C2CD3: variants seen among roughly 807,000 people sequenced by gnomAD.
The protein encoded by C2CD3 is C2 domain-containing protein 3.
C2CD3 carries 148 observed loss-of-function variants against 234.0 expected under a neutral mutation model. That is an observed-to-expected ratio of 0.63 (90% CI 0.55 to 0.72). The LOEUF is 0.72. C2CD3 is among the 30% of genes least tolerant of loss of function. The probability of loss-of-function intolerance (pLI) is 0.00; values close to 1 mark genes in which losing one functional copy is unlikely to be tolerated. For missense variants in C2CD3, 2,577 were observed against 2,811.5 expected (o/e 0.92, Z 1.89); for synonymous variants, 1,000 against 1,035.4 (o/e 0.97, Z 0.66).
At position 74,033,331 on chromosome 11, in the gene C2CD3, T is replaced by C. The variant is rs914411163; in HGVS notation, c.6809+20A>G. 11 of 1,531,738 alleles carry C rather than the reference T, an allele frequency of 7.2e-6. No homozygotes were observed. The African/African-American group carries it at 1.4e-4, about 19-fold the overall frequency. The allele number at this position is 1,531,738 out of a possible 1,614,324, so 94.9% of individuals were successfully genotyped here. ...TAAGTACCTGCATCCAAACCACTTG[T>C]GGGAAATGCCAAAGGATACAGCAGG... On this transcript the variant is annotated intron_variant, in intron 31 of 32. Transcript: ENST00000334126.
intron 31 of C2CD3, among the ~76,000 whole-genome samples, chr11:74,030,708 T>C (rs1383710111): frequency 6.6e-6 from 1 of 152,150 alleles, no homozygotes; most frequent in Admixed American, 6.5e-5. Flanking sequence ...CTCCCAGAGA[T>C]GCCTACCTTT....
At position 74,145,653 on chromosome 11, in the gene C2CD3, A is replaced by C. The variant is rs1855131777; in HGVS notation, c.484-5825T>G. On this transcript the variant is annotated intron_variant, in intron 3 of 32. Transcript: ENST00000334126. ...TCTTATGTCGAAAATGGCATTTCCT[A>C]GGTTCCAGAGTCTTTACAGTTTTAG... Among the ~76,000 whole-genome samples the C allele has an allele frequency of 2.0e-5, 3 of 152,176 alleles. No individual in the cohort carries two copies. In the South Asian group the frequency reaches 6.2e-4, roughly 32 times the overall value.
At chr11:74,015,571 G>C (rs1253858390) in intron 32 of C2CD3, among the ~76,000 whole-genome samples, 1 of 152,220 alleles carries the variant, frequency 6.6e-6, no homozygotes, top group Non-Finnish European at 1.5e-5. Context: ...CTGCTACTCT[G>C]AAGGGGAAGT....
intron 24 of C2CD3, among the ~76,000 whole-genome samples, chr11:74,073,405 G>C (rs1205060500): frequency 1.3e-5 from 2 of 151,942 alleles, no homozygotes; most frequent in African/African-American, 4.8e-5. Flanking sequence ...TGTCCAACAT[G>C]GTGAAAACAC....
chr11:74,048,532 A>C (rs1470440514), intron 27 of C2CD3, among the ~76,000 whole-genome samples, 194 bp from the exon 28 acceptor site: 1 of 152,214 alleles, frequency 6.6e-6, no homozygotes, highest in Non-Finnish European at 1.5e-5. Context: ...TATTATACTC[A>C]TTTTACAGAC....
chr11:74,070,014 G>C (rs1954722091), intron 24 of C2CD3, among the ~76,000 whole-genome samples: 1 of 152,088 alleles, frequency 6.6e-6, no homozygotes, highest in South Asian at 2.1e-4. Flanking sequence ...TGCCTTGATG[G>C]GCTAAAGAAT....
In C2CD3 at chr11:74,034,294, T is replaced by C. The variant is rs776408997; in HGVS notation, c.5882-16A>G. ...GTCTGCAGATCTGAACAGCAACACATATCACTCTTATTACAAGGTAGGGCC... is the reference window on the plus strand; with the variant it reads ...GTCTGCAGATCTGAACAGCAACACACATCACTCTTATTACAAGGTAGGGCC... On this transcript the variant is annotated splice_polypyrimidine_tract_variant and intron_variant, in intron 30 of 32. Coordinates refer to ENST00000334126, the MANE Select transcript of C2CD3 (RefSeq NM_001286577.2). 1.3e-6 allele frequency: 2 copies of C among 1,527,054 alleles called. No homozygotes were observed. The highest frequency in any genetic ancestry group is 2.0e-5 in the Admixed American group (1 of 50,340). The allele number at this position is 1,527,054 out of a possible 1,614,324, so 94.6% of individuals were successfully genotyped here.
At chr11:74,028,182 C>T in intron 32 of C2CD3, 105 bp downstream of exon 32, 1 of 796,692 alleles carries the variant, frequency 1.3e-6, no homozygotes, top group Non-Finnish European at 2.0e-6. Context: ...ACCCCTGCTG[C>T]AGCCTTTCCA....
intron 1 of C2CD3, 56 bp from the exon 2 acceptor site, chr11:74,168,669 A>G: frequency 6.8e-7 from 1 of 1,468,134 alleles, no homozygotes; most frequent in Admixed American, 2.0e-5. Flanking sequence ...TAGAAAACAT[A>G]TAATATGCTT....
chr11:74,106,997 G>A (rs1956548833), intron 12 of C2CD3, among the ~76,000 whole-genome samples: 1 of 152,182 alleles, frequency 6.6e-6, no homozygotes, highest in African/African-American at 2.4e-5. Context: ...CTTTGGCCCA[G>A]TAATTCCATT....
At chr11:74,065,724 T>C (rs1263253192) in intron 24 of C2CD3, among the ~76,000 whole-genome samples, 11 of 151,036 alleles carry the variant, frequency 7.3e-5, no homozygotes, top group African/African-American at 2.0e-4. Flanking sequence ...CATGGAATAC[T>C]ATGCAGCCAT....
Position 74,098,090 on chromosome 11 carries a change from C to T in C2CD3, c.2898G>A (p.Lys966=). 1 of 1,613,988 alleles carries T rather than the reference C, an allele frequency of 6.2e-7. No individual in the cohort carries two copies. The highest frequency in any genetic ancestry group is 8.5e-7 in the Non-Finnish European group (1 of 1,179,902). ...AGGGAGGGAGTGTTCCTTCTTCATT[C>T]TTTAATCTTTGTAGTGCCATTATTT... ...SNQIMALQRL[K]NEEGTLPPFS... Residue 966 remains lysine, a synonymous_variant, in exon 16 of 33, where the codon AAG becomes AAA. Transcript: ENST00000334126.
chr11:74,088,044 C>T (rs1216465690), intron 20 of C2CD3, among the ~76,000 whole-genome samples: 1 of 151,804 alleles, frequency 6.6e-6, no homozygotes, highest in African/African-American at 2.4e-5. Flanking sequence ...TATCTAGATG[C>T]CAGCGTAAGG....
chr11:74,054,562 C>A, intron 26 of C2CD3, 45 bp downstream of exon 26: 17 of 795,380 alleles, frequency 2.1e-5, no homozygotes, highest in East Asian at 3.1e-5. Context: ...AGGATGTGAG[C>A]TTATTTTTAC....
intron 3 of C2CD3, among the ~76,000 whole-genome samples, chr11:74,150,032 T>C (rs1254006943): frequency 1.3e-5 from 2 of 152,182 alleles, no homozygotes; most frequent in Non-Finnish European, 2.9e-5. Flanking sequence ...CTGTTTCTCC[T>C]GTTCTCTGGA....
intron 9 of C2CD3, among the ~76,000 whole-genome samples, chr11:74,116,789 T>TAC (rs530983615): frequency 1.6e-4 from 24 of 145,474 alleles, no homozygotes; most frequent in South Asian, 1.5e-3. Context: ...TGTATATATA[T>TAC]ACACACACAC....
intron 32 of C2CD3, among the ~76,000 whole-genome samples, chr11:74,024,044 T>C (rs566269624): frequency 2.6e-5 from 4 of 152,216 alleles, no homozygotes; most frequent in African/African-American, 9.6e-5. Flanking sequence ...GATCTTTATG[T>C]TCCTCCTCCC....
intron 26 of C2CD3, among the ~76,000 whole-genome samples, chr11:74,052,386 A>C (rs984754961): frequency 1.3e-5 from 2 of 152,248 alleles, no homozygotes; most frequent in African/African-American, 4.8e-5. Context: ...TATTATTCTA[A>C]TTTTATAAAT....
At chr11:74,103,702 C>T (rs1956408059) in intron 13 of C2CD3, 77 bp from the exon 14 acceptor site, 2 of 1,206,202 alleles carry the variant, frequency 1.7e-6, no homozygotes, top group East Asian at 2.4e-5. Flanking sequence ...CTGGAAACAA[C>T]ATCAGATTAT....
Sources: gnomAD v4.1 joint callset for allele counts (sites outside exome capture counted in the v4.1 genomes callset) on GRCh38, gnomAD v4.1.1 for gene constraint, MANE v1.5 for transcripts, NCBI Gene and HGNC (gene_info 2026-07-23, HGNC 2026-07-21) for gene names.